The following RAD52 variants were observed in gnomAD, a reference collection of about 807,000 sequenced individuals.
The protein encoded by RAD52 is DNA repair protein RAD52 homolog.
A neutral mutation model predicts 55.5 loss-of-function variants in RAD52; 47 were observed. The ratio of observed to expected loss-of-function variants is 0.85; its 90% CI spans 0.67 to 1.08. The LOEUF (loss-of-function observed/expected upper bound fraction) is 1.08, where lower values mean the gene tolerates loss of function less well. Ranked by LOEUF, RAD52 falls within the 50% of genes least tolerant of loss-of-function variation. The pLI is 0.00. For missense variants in RAD52, 468 were observed against 522.8 expected (o/e 0.90, Z 1.02); for synonymous variants, 184 against 198.9 (o/e 0.92, Z 0.63).
chr12:978,332 C>G (rs1233116452), intron 1 of RAD52, among the ~76,000 whole-genome samples: 1 of 151,714 alleles, frequency 6.6e-6, no homozygotes, highest in South Asian at 2.1e-4. Flanking sequence ...GGATTACAGG[C>G]GTGAGCCACC....
chr12:917,740 C>T (rs1423203435), intron 7 of RAD52, among the ~76,000 whole-genome samples: 1 of 146,366 alleles, frequency 6.8e-6, no homozygotes, highest in African/African-American at 2.5e-5. Flanking sequence ...GAAGGAACTC[C>T]TGAGTAACAG....
intron 5 of RAD52, among the ~76,000 whole-genome samples, chr12:928,793 T>C (rs925384973): frequency 6.6e-6 from 1 of 152,134 alleles, no homozygotes. Flanking sequence ...AAAAGAAATA[T>C]TTTAATATTT....
chr12:987,917 G>A (rs73606355), intron 1 of RAD52, among the ~76,000 whole-genome samples: 15,212 of 152,006 alleles, frequency 0.1, 1,420 homozygotes, highest in African/African-American at 0.25. Flanking sequence ...CCCAGACTGG[G>A]GTGCAGCTTC....
intron 5 of RAD52, among the ~76,000 whole-genome samples, chr12:928,782 C>T (rs1401531661): frequency 6.6e-6 from 1 of 151,914 alleles, no homozygotes; most frequent in Non-Finnish European, 1.5e-5. Context: ...TAACTAAATC[C>T]AAAAGAAATA....
intron 1 of RAD52, among the ~76,000 whole-genome samples, chr12:989,450 A>T (rs1054652894): frequency 6.6e-6 from 1 of 152,212 alleles, no homozygotes; most frequent in East Asian, 1.9e-4. Context: ...AAGAAGAGAC[A>T]GTAAATACAT....
chr12:948,703 T>C (rs952788700), intron 1 of RAD52, among the ~76,000 whole-genome samples: 12 of 151,974 alleles, frequency 7.9e-5, no homozygotes, highest in African/African-American at 2.9e-4. Flanking sequence ...ACGTGAATTA[T>C]AACTTTTTTT....
At position 929,880 on chromosome 12, in the gene RAD52, A is replaced by G; in HGVS notation, c.287T>C (p.Val96Ala). 1.2e-6 allele frequency: 2 copies of G among 1,613,774 alleles called. No homozygotes were observed. Among genetic ancestry groups the G allele is most frequent in the East Asian group, 2.2e-5 (1 of 44,886 alleles). Residue 96 changes from valine to alanine, a missense_variant, in exon 5 of 12, where the codon GTT (valine) becomes GCT (alanine). Val to Ala is a moderately conservative substitution (Grantham distance 64). Coordinates refer to ENST00000358495, the MANE Select transcript of RAD52 (RefSeq NM_134424.4). ...HSITQQNVDF[V>A]DLNNGKFYVG... ...GTAGAACTTGCCATTGTTGAGGTCA[A>G]CAAAATCTAGGAGTGGGAAAGAGAG...
chr12:918,728 G>T (rs574682055), intron 7 of RAD52, among the ~76,000 whole-genome samples: 26 of 151,944 alleles, frequency 1.7e-4, no homozygotes, highest in Non-Finnish European at 3.4e-4. Context: ...TGTTAAAAGC[G>T]GTTTGCTCAG....
At position 912,722 on chromosome 12, in the gene RAD52, CAAA is replaced by C. The variant is rs60090525; in HGVS notation, c.*666_*668del. On this transcript the variant is annotated 3_prime_UTR_variant, in exon 12 of 12. Transcript: ENST00000358495. Reference sequence around the variant, plus strand: ...AGGGCAACACAGCCAGACCCCGTCTCAAAAAAAAAAAAAAAAAAAAAAACAAAA... The same window carrying C: ...AGGGCAACACAGCCAGACCCCGTCTCAAAAAAAAAAAAAAAAAAAACAAAA... The C allele has an allele frequency of 0.021, 1,502 of 73,196 alleles. 39 individuals carry two copies. The highest frequency in any genetic ancestry group is 0.057 in the African/African-American group (1,147 of 19,978). 4.5% of individuals were successfully genotyped at this position (73,196 alleles called of 1,614,324 possible).
At chr12:958,652 T>G (rs1439524029) in intron 1 of RAD52, among the ~76,000 whole-genome samples, 1 of 152,246 alleles carries the variant, frequency 6.6e-6, no homozygotes. Flanking sequence ...AAAATGCTGC[T>G]GGCCACAGAA....
chr12:974,110 G>A (rs955459713), intron 1 of RAD52: 5 of 152,144 alleles, frequency 3.3e-5, no homozygotes, highest in African/African-American at 4.8e-5. Context: ...CTACTGAGAC[G>A]GGGAAGATGT....
intron 1 of RAD52, among the ~76,000 whole-genome samples, chr12:943,817 C>CTA (rs55684555): frequency 0.99 from 149,725 of 151,342 alleles, 74,086 homozygotes; most frequent in East Asian, 1. Context: ...TTAAGTGACT[C>CTA]TGGCATCCTG....
At chr12:987,923 G>A (rs946010582) in intron 1 of RAD52, among the ~76,000 whole-genome samples, 3 of 152,132 alleles carry the variant, frequency 2.0e-5, no homozygotes, top group African/African-American at 7.2e-5. Context: ...CTGGGGTGCA[G>A]CTTCCTAAAG....
chr12:990,706 T>TC (rs928279551), upstream of RAD52: 10 of 151,680 alleles, frequency 6.6e-5, no homozygotes, highest in African/African-American at 9.7e-5. Context: ...GGACAAAGCG[T>TC]CCCCCCAGCA....
upstream of RAD52, among the ~76,000 whole-genome samples, chr12:954,682 A>G (rs184318567): frequency 2.0e-5 from 3 of 152,222 alleles, no homozygotes; most frequent in Non-Finnish European, 4.4e-5. Context: ...TTCCTTATTG[A>G]TTAATCCTTT....
intron 1 of RAD52, among the ~76,000 whole-genome samples, chr12:978,166 C>A (rs1037118986): frequency 1.3e-5 from 2 of 152,190 alleles, no homozygotes; most frequent in African/African-American, 4.8e-5. Context: ...TCGTTCTGGA[C>A]TATCTTTCCA....
rs543307480 is a variant in RAD52 at position 916,893 on chromosome 12, T to C, written c.544-73A>G. On this transcript the variant is annotated intron_variant, in intron 7 of 11. Transcript: ENST00000358495. The stretch of plus-strand genomic sequence containing the variant: ...CCGCTGCTTCTCCCTGACTCACAGA[T>C]TGCGATTCCTGGAAAATCGCATTTG... 2.5e-5 allele frequency: 38 copies of C among 1,536,938 alleles called. No individual in the cohort carries two copies. The African/African-American group carries it at 4.6e-4, about 19-fold the overall frequency.
chr12:985,730 G>A (rs1959077169), intron 1 of RAD52, among the ~76,000 whole-genome samples: 1 of 151,632 alleles, frequency 6.6e-6, no homozygotes. Flanking sequence ...GCAACCTCCG[G>A]CTCCCAGGTT....
intron 7 of RAD52, 126 bp downstream of exon 7, chr12:925,324 C>A: frequency 1.3e-6 from 1 of 789,980 alleles, no homozygotes; most frequent in South Asian, 1.6e-5. Context: ...AATCTGAAAT[C>A]AACATTCCCG....
Sources: allele counts gnomAD v4.1 joint callset (sites outside exome capture counted in the v4.1 genomes callset), GRCh38; gene constraint gnomAD v4.1.1; transcripts MANE v1.5; gene names NCBI Gene and HGNC (gene_info 2026-07-23, HGNC 2026-07-21).